Variants in VPS35L observed in about 807,000 individuals in gnomAD.
VPS35L encodes the protein VPS35 endosomal protein sorting factor like, also known as VPS35 endosomal protein-sorting factor-like.
A neutral mutation model predicts 133.0 loss-of-function variants in VPS35L; 83 were observed. That is an observed-to-expected ratio of 0.62 (90% CI 0.52 to 0.75). The LOEUF (loss-of-function observed/expected upper bound fraction) is 0.75. Ranked by LOEUF, VPS35L falls within the 30% of genes least tolerant of loss-of-function variation. The pLI is 0.00. For synonymous variants in VPS35L, 423 were observed against 449.9 expected, an observed-to-expected ratio of 0.94 and a Z score of 0.76; for missense variants, 1,083 against 1,206.8, an observed-to-expected ratio of 0.90 and a Z score of 1.52.
intron 2 of VPS35L, among the ~76,000 whole-genome samples, chr16:19,568,799 C>T (rs1350567073): frequency 6.6e-6 from 1 of 152,166 alleles, no homozygotes; most frequent in Non-Finnish European, 1.5e-5. Flanking sequence ...GCATGTACCA[C>T]CACACCTGGA....
intron 8 of VPS35L, among the ~76,000 whole-genome samples, chr16:19,598,970 G>C (rs1018392312): frequency 6.6e-6 from 1 of 152,172 alleles, no homozygotes; most frequent in Admixed American, 6.5e-5. Context: ...GATGGTCCGA[G>C]GTAACATTGC....
chr16:19,674,753 C>G (rs1975004158), intron 27 of VPS35L, among the ~76,000 whole-genome samples: 1 of 152,120 alleles, frequency 6.6e-6, no homozygotes, highest in Admixed American at 6.5e-5. Flanking sequence ...CCATTCTACT[C>G]TCTGATTCTA....
intron 14 of VPS35L, among the ~76,000 whole-genome samples, chr16:19,624,386 C>T (rs1354545187): frequency 1.3e-5 from 2 of 151,948 alleles, no homozygotes; most frequent in African/African-American, 4.8e-5. Flanking sequence ...AGTTCAAGGC[C>T]AGCCTGGCTA....
intron 9 of VPS35L, among the ~76,000 whole-genome samples, chr16:19,601,969 C>T (rs1972398219): frequency 1.3e-5 from 2 of 152,000 alleles, no homozygotes; most frequent in Admixed American, 1.3e-4. Context: ...TTAGATTCAG[C>T]CAAACTTTCA....
intron 18 of VPS35L, 144 bp from the exon 19 acceptor site, chr16:19,632,948 T>C: frequency 1.5e-6 from 1 of 678,742 alleles, no homozygotes. Flanking sequence ...TTTCCTCCCT[T>C]CCGTTATTTT....
rs561066222 is a variant in VPS35L at position 19,634,832 on chromosome 16, A to G, written c.1635+1660A>G. On this transcript the variant is annotated intron_variant, in intron 19 of 30. Coordinates refer to ENST00000417362, the MANE Select transcript of VPS35L (RefSeq NM_020314.7). ...AGGTCTTCCTACTGAGCAGGTATCA[A>G]TTGCAATGAGGAAAATAGTGACTAT... 5.6e-4 allele frequency among the ~76,000 whole-genome samples: 86 copies of G among 152,266 alleles called. 3 individuals carry two copies. In the South Asian group the frequency reaches 0.017, roughly 30 times the overall value.
At chr16:19,691,635 T>A (rs1263245205) in intron 29 of VPS35L, among the ~76,000 whole-genome samples, 164 bp downstream of exon 29, 2 of 152,200 alleles carry the variant, frequency 1.3e-5, no homozygotes, top group African/African-American at 4.8e-5. Flanking sequence ...TCCTGCTGTT[T>A]TCTCTGCCTG....
In VPS35L at chr16:19,570,834, CATAT is replaced by C. The variant is rs58794831; in HGVS notation, c.285+1296_285+1299del. Among the ~76,000 whole-genome samples, 753 of 78,428 alleles carry C rather than the reference CATAT, an allele frequency of 9.6e-3. 2 individuals carry two copies. The highest frequency in any genetic ancestry group is 0.017 in the Non-Finnish European group (597 of 35,826). 51.5% of individuals were successfully genotyped at this position (78,428 alleles called of 152,430 possible). On this transcript the variant is annotated intron_variant, in intron 3 of 30. Coordinates refer to ENST00000417362, the MANE Select transcript of VPS35L (RefSeq NM_020314.7). ...TCGATCATCATCCTATGCTGTGTTT[CATAT>C]ATATATATATATATATATATATATA...
At chr16:19,685,583 C>G (rs549367901) in intron 28 of VPS35L, among the ~76,000 whole-genome samples, 1 of 152,292 alleles carries the variant, frequency 6.6e-6, no homozygotes, top group Non-Finnish European at 1.5e-5. Flanking sequence ...TGCTTATATT[C>G]TGCGTTGGAG....
At chr16:19,594,644 C>CAAAAAA (rs57187565) in intron 8 of VPS35L, among the ~76,000 whole-genome samples, 98 of 31,296 alleles carry the variant, frequency 3.1e-3, no homozygotes, top group Non-Finnish European at 3.8e-3. Flanking sequence ...GATTTCGTCT[C>CAAAAAA]AAAAAAAAAA....
chr16:19,656,520 T>G (rs1263156335), intron 26 of VPS35L, among the ~76,000 whole-genome samples: 1 of 151,356 alleles, frequency 6.6e-6, no homozygotes, highest in Non-Finnish European at 1.5e-5. Context: ...CTGCTTGCAT[T>G]GGTCCCAGTC....
intron 27 of VPS35L, among the ~76,000 whole-genome samples, chr16:19,669,827 C>T (rs951591855): frequency 4.6e-5 from 7 of 151,720 alleles, no homozygotes; most frequent in Non-Finnish European, 7.4e-5. Flanking sequence ...CCCGCCACCA[C>T]ACCTGGCTAA....
intron 9 of VPS35L, among the ~76,000 whole-genome samples, chr16:19,603,093 A>G (rs1972436722): frequency 1.3e-5 from 2 of 152,046 alleles, no homozygotes; most frequent in East Asian, 1.9e-4. Flanking sequence ...TAATGTGCAC[A>G]TTTGTCAGAA....
At chr16:19,582,534 C>T (rs1321729064) in intron 7 of VPS35L, among the ~76,000 whole-genome samples, 1 of 152,128 alleles carries the variant, frequency 6.6e-6, no homozygotes, top group Non-Finnish European at 1.5e-5. Flanking sequence ...GAGGCAAACC[C>T]ACGCCCGTTT....
chr16:19,555,814 T>C, intron 1 of VPS35L, 68 bp downstream of exon 1: 1 of 1,515,714 alleles, frequency 6.6e-7, no homozygotes, highest in Non-Finnish European at 8.8e-7. Flanking sequence ...TCGGCCTGGG[T>C]CTGAGAGTGT....
intron 26 of VPS35L, among the ~76,000 whole-genome samples, chr16:19,658,957 G>GC (rs56929395): frequency 0.26 from 40,184 of 151,982 alleles, 10,104 homozygotes; most frequent in African/African-American, 0.66. Context: ...TGAGGCTCAG[G>GC]CGTGCTCAGG....
chr16:19,615,437 G>C (rs1972853522), intron 12 of VPS35L, among the ~76,000 whole-genome samples: 1 of 150,044 alleles, frequency 6.7e-6, no homozygotes, highest in Admixed American at 6.7e-5. Flanking sequence ...ATCATCTGAG[G>C]TCAGGAGTTG....
At position 19,602,905 on chromosome 16, in the gene VPS35L, T is replaced by G. The variant is rs558617639; in HGVS notation, c.784+1182T>G. 1.3e-4 allele frequency among the ~76,000 whole-genome samples: 19 copies of G among 143,032 alleles called. No homozygotes were observed. The South Asian group carries it at 4.0e-3, about 30-fold the overall frequency. The allele number at this position is 143,032 out of a possible 152,430, so 93.8% of individuals were successfully genotyped here. A position where few individuals can be genotyped will look rare whatever the true frequency, so the allele number is the denominator to read the frequency against. The stretch of plus-strand genomic sequence containing the variant: ...AGGCATGAGCAACCGTGCCCGTCCC[T>G]TTTTTTTTTTTCTATTTAATATTTT... On this transcript the variant is annotated intron_variant, in intron 9 of 30. Coordinates refer to ENST00000417362, the MANE Select transcript of VPS35L (RefSeq NM_020314.7).
intron 10 of VPS35L, 63 bp from the exon 11 acceptor site, chr16:19,608,911 G>C (rs377458759): frequency 4.2e-4 from 625 of 1,471,114 alleles, no homozygotes; most frequent in Admixed American, 5.9e-4. Context: ...GGATAGTTTA[G>C]TCTTTTCTCC....
Sources: gnomAD v4.1 joint callset for allele counts (sites outside exome capture counted in the v4.1 genomes callset) on GRCh38, gnomAD v4.1.1 for gene constraint, MANE v1.5 for transcripts, NCBI Gene and HGNC (gene_info 2026-07-23, HGNC 2026-07-21) for gene names.